The following RXYLT1 variants were observed in gnomAD, a reference collection of about 807,000 sequenced individuals.
RXYLT1 encodes the protein ribitol-5-phosphate xylosyltransferase 1.
In RXYLT1, 41 loss-of-function variants were observed where a neutral mutation model predicts 43.5. The observed-to-expected ratio is 0.94, with a 90% CI of 0.73 to 1.22. RXYLT1 has a LOEUF of 1.22. Ranked by LOEUF, RXYLT1 falls within the 50% of genes most tolerant of loss-of-function variation. The pLI is 0.00. For synonymous variants in RXYLT1, 166 were observed against 194.4 expected (o/e 0.85, Z 1.21); for missense variants, 514 against 532.0 (o/e 0.97, Z 0.33).
chr12:63,805,204 A>G (rs751469019), intron 4 of RXYLT1, 30 bp from the exon 5 acceptor site: 1 of 1,566,662 alleles, frequency 6.4e-7, no homozygotes, highest in Non-Finnish European at 8.6e-7. Flanking sequence ...TCTATATCAT[A>G]TGTTAATTCA....
intron 1 of RXYLT1, chr12:63,780,431 A>G (rs1897653296): frequency 3.3e-6 from 4 of 1,215,862 alleles, no homozygotes; most frequent in South Asian, 2.8e-5. Flanking sequence ...ATTTGCGGGA[A>G]TGCTCCTGGA....
At chr12:63,781,718 T>C (rs1347209581) in intron 2 of RXYLT1, among the ~76,000 whole-genome samples, 1 of 152,206 alleles carries the variant, frequency 6.6e-6, no homozygotes. Flanking sequence ...CATGAGAGTG[T>C]AGTGTTCTAA....
At chr12:63,785,927 A>G (rs965106120) in intron 3 of RXYLT1, among the ~76,000 whole-genome samples, 1 of 152,106 alleles carries the variant, frequency 6.6e-6, no homozygotes, top group Non-Finnish European at 1.5e-5. Context: ...TACTTTATAT[A>G]CACTTGGAAA....
intron 4 of RXYLT1, among the ~76,000 whole-genome samples, chr12:63,803,157 C>A (rs531723679): frequency 4.8e-5 from 5 of 103,948 alleles, no homozygotes; most frequent in Non-Finnish European, 8.6e-5. Flanking sequence ...GCCTGGGCAA[C>A]AGAGTGAGAT....
At chr12:63,802,012 A>G (rs1389795256) in intron 3 of RXYLT1, 79 bp from the exon 4 acceptor site, 1 of 1,316,058 alleles carries the variant, frequency 7.6e-7, no homozygotes, top group Non-Finnish European at 1.0e-6. Flanking sequence ...GATTTTGTAT[A>G]AAATGATGAA....
intron 4 of RXYLT1, chr12:63,804,906 G>GCTCT (rs138869775): frequency 4.9e-4 from 92 of 188,108 alleles, no homozygotes; most frequent in African/African-American, 2.1e-3. Flanking sequence ...TATGAATAGA[G>GCTCT]AAGAGTCTTT....
intron 3 of RXYLT1, among the ~76,000 whole-genome samples, chr12:63,788,640 A>C (rs566397338): frequency 1.9e-3 from 285 of 152,304 alleles, no homozygotes; most frequent in African/African-American, 6.6e-3. Context: ...AATTGAAAAG[A>C]GTGGAGGCCT....
intron 3 of RXYLT1, among the ~76,000 whole-genome samples, chr12:63,796,576 T>A (rs1240656048): frequency 6.6e-6 from 1 of 152,240 alleles, no homozygotes; most frequent in African/African-American, 2.4e-5. Context: ...TGATTATTCA[T>A]CTCTTAAATT....
chr12:63,809,158 G>C lies in RXYLT1; in HGVS notation c.*66G>C, dbSNP rs1324156924. 3.5e-6 allele frequency: 4 copies of C among 1,130,214 alleles called. No homozygotes were observed. In the African/African-American group the frequency reaches 4.8e-5, roughly 13 times the overall value. The allele number at this position is 1,130,214 out of a possible 1,614,324, so 70.0% of individuals were successfully genotyped here. On this transcript the variant is annotated 3_prime_UTR_variant, in exon 6 of 6. Transcript: ENST00000261234. ...GACTACTGGGTGTATAAATGTGTTT[G>C]TGTGTGTATGTATTTATAGATGTTC...
chr12:63,798,598 C>G (rs1052193444), intron 3 of RXYLT1, among the ~76,000 whole-genome samples: 1 of 152,202 alleles, frequency 6.6e-6, no homozygotes, highest in Non-Finnish European at 1.5e-5. Context: ...AACACTGATA[C>G]TTGATATCTT....
At chr12:63,785,452 T>G (rs1897780135) in intron 3 of RXYLT1, 1 of 152,422 alleles carries the variant, frequency 6.6e-6, no homozygotes, top group African/African-American at 2.4e-5. Flanking sequence ...AATAGTCATG[T>G]TCACTTTTTA....
chr12:63,805,285 G>T lies in RXYLT1; in HGVS notation c.795G>T (p.Glu265Asp), dbSNP rs768234782. 12 of 1,613,308 alleles carry T rather than the reference G, an allele frequency of 7.4e-6. No individual in the cohort carries two copies. The highest frequency in any genetic ancestry group is 1.3e-5 in the African/African-American group (1 of 74,892). Residue 265 changes from glutamate to aspartate, a missense_variant, in exon 5 of 6, where the codon GAG becomes GAT. By Grantham distance (45) the Glu-to-Asp change is conservative. Coordinates refer to ENST00000261234, the MANE Select transcript of RXYLT1 (RefSeq NM_014254.3). Reference protein sequence around the residue: ...VEASWSMLHDERPYLCNFLGT... With the variant: ...VEASWSMLHDDRPYLCNFLGT... Reference sequence around the variant, plus strand: ...CAAGTTGGTCAATGCTGCATGATGAGAGGCCATATTTATGTAATTTCTTAG... The same window carrying T: ...CAAGTTGGTCAATGCTGCATGATGATAGGCCATATTTATGTAATTTCTTAG...
intron 1 of RXYLT1, 103 bp downstream of exon 1, chr12:63,780,232 C>A: frequency 1.4e-6 from 2 of 1,387,450 alleles, no homozygotes; most frequent in South Asian, 1.7e-5. Context: ...TCCGGGATTA[C>A]CCGCAGGGCC....
At chr12:63,782,389 A>C (rs1897705976) in intron 2 of RXYLT1, among the ~76,000 whole-genome samples, 1 of 152,254 alleles carries the variant, frequency 6.6e-6, no homozygotes, top group South Asian at 2.1e-4. Context: ...GCCCTCTGGC[A>C]TCTCAGCCAC....
rs556399694 is a variant in RXYLT1 at position 63,784,849 on chromosome 12, A to G, written c.326-121A>G. 4 of 747,464 alleles carry G rather than the reference A, an allele frequency of 5.4e-6. No individual in the cohort carries two copies. The African/African-American group carries it at 7.0e-5, about 13-fold the overall frequency. 46.3% of individuals were successfully genotyped at this position (747,464 alleles called of 1,614,324 possible). A position where few individuals can be genotyped will look rare whatever the true frequency, so the allele number is the denominator to read the frequency against. On this transcript the variant is annotated intron_variant, in intron 2 of 5. Transcript: ENST00000261234. ...ATAGCACTGCCTGCCAACGGCCCAAAGGAGAGGCATTCTGGTTTTATAGTC... is the reference window on the plus strand; with the variant it reads ...ATAGCACTGCCTGCCAACGGCCCAAGGGAGAGGCATTCTGGTTTTATAGTC...
chr12:63,788,704 A>T (rs997984234), intron 3 of RXYLT1, among the ~76,000 whole-genome samples: 87 of 152,196 alleles, frequency 5.7e-4, no homozygotes, highest in Non-Finnish European at 1.1e-3. Context: ...TTGATCCTCT[A>T]TCCAGACTAT....
rs1426359594 is a variant in RXYLT1, at chr12:63,802,386, T to C, written c.724T>C (p.Trp242Arg). Residue 242 changes from tryptophan to arginine, a missense_variant, in exon 4 of 6, where the codon TGG (tryptophan) becomes CGG (arginine). Physicochemically the swap from Trp to Arg is moderately radical, Grantham distance 101. Coordinates refer to ENST00000261234, the MANE Select transcript of RXYLT1 (RefSeq NM_014254.3). ...GATTAATGACGTGGATGTTTTTCAG[T>C]GGCCTTTAGGAGTAGCAACGTAAGT... ...PWINDVDVFQ[W>R]PLGVATYRNF... 6.3e-7 allele frequency: 1 copy of C among 1,589,668 alleles called. No homozygotes were observed.
Position 63,805,354 on chromosome 12 carries a change from T to G in RXYLT1, c.864T>G (p.Ile288Met). 1 of 1,609,462 alleles carries G rather than the reference T, an allele frequency of 6.2e-7. No homozygotes were observed. The highest frequency in any genetic ancestry group is 8.5e-7 in the Non-Finnish European group (1 of 1,178,612). The change falls in exon 5 of 6, where the codon ATT becomes ATG. Residue 288 changes from isoleucine (I) to methionine (M), a missense_variant. Ile to Met is a conservative substitution (Grantham distance 10). Coordinates refer to ENST00000261234, the MANE Select transcript of RXYLT1 (RefSeq NM_014254.3). ...ENSSRQALMN[I>M]LKKDGNDKLC... ...CATCCAGACAGGCACTAATGAACATTTTGAAAAAAGATGGGAACGATAAGC... is the reference window on the plus strand; with the variant it reads ...CATCCAGACAGGCACTAATGAACATGTTGAAAAAAGATGGGAACGATAAGC...
At chr12:63,804,465 A>C (rs1898238187) in intron 4 of RXYLT1, 1 of 152,152 alleles carries the variant, frequency 6.6e-6, no homozygotes, top group South Asian at 2.1e-4. Context: ...AGTTTGTTTT[A>C]ATCTACTTGA....
Sources: gnomAD v4.1 joint callset for allele counts (sites outside exome capture counted in the v4.1 genomes callset) on GRCh38, gnomAD v4.1.1 for gene constraint, MANE v1.5 for transcripts, NCBI Gene and HGNC (gene_info 2026-07-23, HGNC 2026-07-21) for gene names.